The following LRCH2 variants were observed in gnomAD, a reference collection of about 807,000 sequenced individuals.
LRCH2 encodes leucine rich repeats and calponin homology domain containing 2.
Under a neutral mutation model 68.9 loss-of-function variants are expected in LRCH2, and 38 were observed. The observed-to-expected ratio is 0.55, with a 90% CI of 0.43 to 0.72. The LOEUF is 0.72. Among genes scored for constraint, LRCH2 ranks in the 30% least tolerant of loss-of-function variants. The pLI is 0.00. For missense variants in LRCH2, 528 were observed against 572.9 expected (o/e 0.92, Z 0.80); for synonymous variants, 191 against 208.1 (o/e 0.92, Z 0.71).
chrX:115,189,845 G>T (rs1569515592), intron 1 of LRCH2: 5 of 1,167,106 alleles, frequency 4.3e-6, no homozygotes, highest in Middle Eastern at 4.7e-4. Context: ...GGCTACGCGG[G>T]GTATTTCGAC....
At chrX:115,121,291 A>G (rs1240757943) in intron 20 of LRCH2, among the ~76,000 whole-genome samples, 1 of 111,280 alleles carries the variant, frequency 9.0e-6, no homozygotes. Context: ...TAAGTTTGCT[A>G]TTTCCCCACT....
chrX:115,223,654 G>A (rs1414451884), intron 1 of LRCH2, among the ~76,000 whole-genome samples: 1 of 110,115 alleles, frequency 9.1e-6, no homozygotes, highest in South Asian at 3.9e-4. Flanking sequence ...GGTGGCTCAC[G>A]CTTGTAATCC....
At chrX:115,187,651 A>C (rs6644208) in intron 2 of LRCH2, among the ~76,000 whole-genome samples, 11,708 of 111,892 alleles carry the variant, frequency 0.1, 472 homozygotes, top group African/African-American at 0.12. Flanking sequence ...AATATGGGTA[A>C]AGCGTTTGGA....
chrX:115,113,260 G>A lies in LRCH2; in HGVS notation c.2254C>T (p.Leu752Phe). 8.4e-7 allele frequency: 1 copy of A among 1,195,642 alleles called. No individual in the cohort carries two copies. Among genetic ancestry groups the A allele is most frequent in the Non-Finnish European group, 1.1e-6 (1 of 885,754 alleles). ...VKVGVTVQAL[L>F]ELPTTKASQL... Reference sequence around the variant, plus strand: ...GATGCCTTGGTTGTTGGTAATTCAAGGAGCGCCTGAACTGTGACACCAACT... The same window carrying A: ...GATGCCTTGGTTGTTGGTAATTCAAAGAGCGCCTGAACTGTGACACCAACT... Residue 752 changes from leucine (L) to phenylalanine (F), a missense_variant, in exon 21 of 21, where the codon CTT (leucine) becomes TTT (phenylalanine). Leu to Phe is a conservative substitution (Grantham distance 22). Coordinates refer to ENST00000317135, the MANE Select transcript of LRCH2 (RefSeq NM_020871.4).
Position 115,113,154 on chromosome X carries a change from T to G in LRCH2, c.*62A>C. ...GACGGAATATTCTTATTCATGAATT[T>G]GAAATATTTGAAATCACTTCAAATA... On this transcript the variant is annotated 3_prime_UTR_variant, in exon 21 of 21. Coordinates refer to ENST00000317135, the MANE Select transcript of LRCH2 (RefSeq NM_020871.4). The G allele has an allele frequency of 1.0e-6, 1 of 991,550 alleles. No homozygotes were observed. Among genetic ancestry groups the G allele is most frequent in the Non-Finnish European group, 1.3e-6 (1 of 743,108 alleles). 81.7% of individuals were successfully genotyped at this position (991,550 alleles called of 1,213,427 possible).
At chrX:115,191,134 G>A in intron 1 of LRCH2, 1 of 1,165,329 alleles carries the variant, frequency 8.6e-7, no homozygotes, top group South Asian at 1.9e-5. Context: ...CGCCCACAGT[G>A]GGGGCTGCTC....
intron 1 of LRCH2, among the ~76,000 whole-genome samples, chrX:115,202,297 A>AT (rs1395554087): frequency 8.9e-6 from 1 of 111,867 alleles, no homozygotes; most frequent in Non-Finnish European, 1.9e-5. Flanking sequence ...TCACTCACTC[A>AT]TTTTTTAGTG....
intron 12 of LRCH2, among the ~76,000 whole-genome samples, chrX:115,150,410 T>A (rs1255995041): frequency 9.0e-6 from 1 of 110,625 alleles, no homozygotes. Context: ...TAACAAAGAC[T>A]AAAAAAAACT....
intron 1 of LRCH2, among the ~76,000 whole-genome samples, chrX:115,205,741 A>G (rs868930980): frequency 9.0e-5 from 10 of 111,536 alleles, no homozygotes; most frequent in African/African-American, 3.3e-4. Context: ...AATCGAGACC[A>G]TCCTGGCCAA....
intron 11 of LRCH2, among the ~76,000 whole-genome samples, chrX:115,161,368 TCTTTA>T (rs1353232541): frequency 1.8e-5 from 2 of 111,109 alleles, no homozygotes; most frequent in Non-Finnish European, 3.8e-5. Flanking sequence ...AAAAAAGTGC[TCTTTA>T]CTTTATGATC....
intron 1 of LRCH2, among the ~76,000 whole-genome samples, chrX:115,220,862 A>AT (rs2073073558): frequency 9.0e-6 from 1 of 110,989 alleles, no homozygotes; most frequent in Admixed American, 9.7e-5. Flanking sequence ...CTACTCTAAA[A>AT]TAAAAACATA....
At chrX:115,190,941 G>C (rs1556558395) in intron 1 of LRCH2, 13 of 1,164,660 alleles carry the variant, frequency 1.1e-5, no homozygotes, top group Non-Finnish European at 1.5e-5. Flanking sequence ...ATTCCAGCTG[G>C]AGCGACCGCT....
Position 115,165,571 on chromosome X carries a change from A to G in LRCH2, c.1283T>C (p.Val428Ala). 2 of 1,158,433 alleles carry G rather than the reference A, an allele frequency of 1.7e-6. No homozygotes were observed. The highest frequency in any genetic ancestry group is 2.3e-6 in the Non-Finnish European group (2 of 865,866). Reference sequence around the variant, plus strand: ...AGTTTTATTTACCTTAAAGAATGATACAAATGATCCAATATGTGCATTTCC... The same window carrying G: ...AGTTTTATTTACCTTAAAGAATGATGCAAATGATCCAATATGTGCATTTCC... The part of the protein sequence containing the change: ...EQGNAHIGSF[V>A]SFFKGKEKCS... Residue 428 changes from valine to alanine, a missense_variant, in exon 9 of 21, where the codon GTA (valine) becomes GCA (alanine). Transcript: ENST00000317135.
intron 5 of LRCH2, among the ~76,000 whole-genome samples, chrX:115,170,676 G>C (rs1350500906): frequency 2.7e-5 from 3 of 111,487 alleles, no homozygotes; most frequent in African/African-American, 9.7e-5. Context: ...TTTCACTAGA[G>C]TTTTCTTGTC....
intron 14 of LRCH2, among the ~76,000 whole-genome samples, chrX:115,131,384 C>T (rs1390942075): frequency 9.1e-6 from 1 of 110,034 alleles, no homozygotes; most frequent in Non-Finnish European, 1.9e-5. Context: ...CGACAGTTTG[C>T]TCAGAATGAT....
intron 3 of LRCH2, among the ~76,000 whole-genome samples, chrX:115,181,062 G>A (rs2072687908): frequency 9.0e-6 from 1 of 111,657 alleles, no homozygotes; most frequent in African/African-American, 3.3e-5. Flanking sequence ...TACTGTCAGA[G>A]CTAAAAGGTG....
chrX:115,162,264 T>A (rs1323063216), intron 11 of LRCH2, among the ~76,000 whole-genome samples: 1 of 111,567 alleles, frequency 9.0e-6, no homozygotes, highest in Non-Finnish European at 1.9e-5. Flanking sequence ...CCCATAATGA[T>A]AAATACAATT....
chrX:115,216,850 C>A (rs2073045058), intron 1 of LRCH2, among the ~76,000 whole-genome samples: 1 of 111,693 alleles, frequency 9.0e-6, no homozygotes, highest in South Asian at 3.8e-4. Context: ...CCTGCTGTGC[C>A]AGAAACCCTT....
In LRCH2 at chrX:115,205,894, C is replaced by T. The variant is rs782186048; in HGVS notation, c.350-17524G>A. On this transcript the variant is annotated intron_variant, in intron 1 of 20. Transcript: ENST00000317135. Reference sequence around the variant, plus strand: ...CGGAGGTTGCAGTGAGCCGAGATCACGCCATTGCACTTCAGCCTGGGCAAA... The same window carrying T: ...CGGAGGTTGCAGTGAGCCGAGATCATGCCATTGCACTTCAGCCTGGGCAAA... 7.3e-5 allele frequency among the ~76,000 whole-genome samples: 8 copies of T among 110,090 alleles called. No homozygotes were observed. The South Asian group carries it at 2.8e-3, about 38-fold the overall frequency.
Sources: allele counts gnomAD v4.1 joint callset (sites outside exome capture counted in the v4.1 genomes callset), GRCh38; gene constraint gnomAD v4.1.1; transcripts MANE v1.5; gene names NCBI Gene and HGNC (gene_info 2026-07-23, HGNC 2026-07-21).